EIF3A: variants seen among roughly 807,000 people sequenced by gnomAD.
EIF3A encodes the protein eukaryotic translation initiation factor 3 subunit A, also known as EIF3, p180 subunit.
Under a neutral mutation model 186.6 loss-of-function variants are expected in EIF3A, and 21 were observed. That is an observed-to-expected ratio of 0.11 (90% confidence interval 0.08 to 0.16). EIF3A has a LOEUF of 0.16. Among genes scored for constraint, EIF3A ranks in the 10% least tolerant of loss-of-function variants. The probability of loss-of-function intolerance (pLI) is 1.00; values close to 1 mark genes in which losing one functional copy is unlikely to be tolerated. For missense variants in EIF3A, 1,306 were observed against 1,796.3 expected (o/e 0.73, Z 4.93); for synonymous variants, 563 against 584.3 (o/e 0.96, Z 0.52).
intron 17 of EIF3A, 43 bp from the exon 18 acceptor site, chr10:119,044,185 T>C (rs1848252683): frequency 1.5e-6 from 2 of 1,316,636 alleles, no homozygotes; most frequent in African/African-American, 2.9e-5. Context: ...TTGGTAACCA[T>C]TTACTATTAC....
intron 17 of EIF3A, among the ~76,000 whole-genome samples, chr10:119,044,776 AG>A (rs1459041418): frequency 2.6e-5 from 4 of 152,154 alleles, no homozygotes; most frequent in African/African-American, 4.8e-5. Flanking sequence ...TGAACCCAGA[AG>A]GCAAAACTTG....
At chr10:119,080,433 C>G (rs1844245836) in intron 1 of EIF3A, 195 bp downstream of exon 1, 1 of 985,326 alleles carries the variant, frequency 1.0e-6, no homozygotes, top group Admixed American at 6.1e-5. Context: ...CCGGGCTACG[C>G]GCCTCCCAGA....
intron 21 of EIF3A, 46 bp downstream of exon 21, chr10:119,037,071 CCA>C (rs1554868178): frequency 3.4e-5 from 33 of 973,252 alleles, no homozygotes; most frequent in Non-Finnish European, 3.7e-5. Context: ...CCCCCCCCCC[CCA>C]GAAACGACAG....
At chr10:119,071,949 T>C (rs1844078357) in intron 4 of EIF3A, among the ~76,000 whole-genome samples, 1 of 130,282 alleles carries the variant, frequency 7.7e-6, no homozygotes, top group Non-Finnish European at 1.5e-5. Flanking sequence ...GGCGTGAACC[T>C]GGGAGGCGGA....
intron 5 of EIF3A, among the ~76,000 whole-genome samples, chr10:119,070,535 T>A (rs190192419): frequency 6.8e-6 from 1 of 146,694 alleles, no homozygotes; most frequent in Non-Finnish European, 1.5e-5. Flanking sequence ...CTAAGAAACT[T>A]TGCATATGCT....
In EIF3A at chr10:119,065,504, A is replaced by G. The variant is rs1843958110; in HGVS notation, c.1017T>C (p.Ala339=). 3 of 1,613,446 alleles carry G rather than the reference A, an allele frequency of 1.9e-6. No individual in the cohort carries two copies. ...IPITPERTDI[A]RLLDMDGIIV... The stretch of plus-strand genomic sequence containing the variant: ...TAATGCCATCCATATCCAGAAGTCG[A>G]GCAATATCCGTACGCTCAGGAGTAA... The change falls in exon 7 of 22, where the codon GCT becomes GCC. Residue 339 remains alanine, a synonymous_variant. Transcript: ENST00000369144.
intron 14 of EIF3A, among the ~76,000 whole-genome samples, chr10:119,052,293 C>T (rs1432795050): frequency 3.9e-5 from 6 of 152,014 alleles, no homozygotes; most frequent in Non-Finnish European, 8.8e-5. Context: ...TAAGAAGCAA[C>T]TCCTCACCCA....
At chr10:119,060,177 CCAAATGCAA>C in intron 9 of EIF3A, 1 of 495,762 alleles carries the variant, frequency 2.0e-6, no homozygotes, top group Admixed American at 2.4e-5. Context: ...GCCCTCCTTC[CCAAATGCAA>C]CAAATGGAAA....
At chr10:119,070,536 T>G (rs1325711665) in intron 5 of EIF3A, among the ~76,000 whole-genome samples, 1 of 146,718 alleles carries the variant, frequency 6.8e-6, no homozygotes, top group South Asian at 2.3e-4. Context: ...TAAGAAACTT[T>G]GCATATGCTT....
rs1848279056 is a variant in EIF3A, at chr10:119,045,994, C to CT, written c.2659-1853dup. On this transcript the variant is annotated intron_variant, in intron 17 of 21. Transcript: ENST00000369144. ...AGAAACATTAAAGATATAAAGAGAA[C>CT]TTTAACAGAGCAAGAACAGAGAAAA... is the stretch of plus-strand genomic sequence containing the variant. 2.6e-5 allele frequency among the ~76,000 whole-genome samples: 4 copies of CT among 152,232 alleles called. No individual in the cohort carries two copies. In the South Asian group the frequency reaches 8.3e-4, roughly 32 times the overall value.
chr10:119,044,395 T>TC (rs72509488), intron 17 of EIF3A, among the ~76,000 whole-genome samples: 47,398 of 152,076 alleles, frequency 0.31, 8,465 homozygotes, highest in Non-Finnish European at 0.4. Context: ...AACATACACC[T>TC]CTACAGATTT....
Position 119,065,555 on chromosome 10 carries a change from G to A in EIF3A, c.966C>T (p.Val322=), listed in dbSNP as rs746674061. The change falls in exon 7 of 22, where the codon GTC becomes GTT. Residue 322 remains valine, a synonymous_variant. Coordinates refer to ENST00000369144, the MANE Select transcript of EIF3A (RefSeq NM_003750.4). ...TAGGGATGGAAAGAGTGGCTAAAAG[G>A]ACTCTAGTAGACATTCTATGGAGAA... The part of the protein sequence containing the change: ...QDEMQRMSTR[V]LLATLSIPIT... 1.2e-6 allele frequency: 2 copies of A among 1,605,658 alleles called. No homozygotes were observed. Among genetic ancestry groups the A allele is most frequent in the Admixed American group, 3.4e-5 (2 of 58,172 alleles).
intron 6 of EIF3A, among the ~76,000 whole-genome samples, chr10:119,066,029 TCG>T (rs1274357218): frequency 6.6e-6 from 1 of 151,392 alleles, no homozygotes; most frequent in Non-Finnish European, 1.5e-5. Flanking sequence ...GGCAGGAGAA[TCG>T]CATGAACCCG....
At chr10:119,079,647 C>T (rs1452841496) in intron 1 of EIF3A, among the ~76,000 whole-genome samples, 1 of 152,014 alleles carries the variant, frequency 6.6e-6, no homozygotes, top group Non-Finnish European at 1.5e-5. Flanking sequence ...ACATGTGCAT[C>T]CCCAGAACGC....
At chr10:119,058,609 C>A (rs1428099776) in intron 11 of EIF3A, among the ~76,000 whole-genome samples, 9 of 152,224 alleles carry the variant, frequency 5.9e-5, no homozygotes, top group Non-Finnish European at 1.3e-4. Flanking sequence ...TTGTTACAGG[C>A]AGTGGCTCAT....
At chr10:119,037,711 C>T (rs1848152163) in intron 20 of EIF3A, among the ~76,000 whole-genome samples, 1 of 152,100 alleles carries the variant, frequency 6.6e-6, no homozygotes, top group African/African-American at 2.4e-5. Flanking sequence ...GCAGCGGGAA[C>T]AAGCTAGAAC....
Position 119,045,800 on chromosome 10 carries a change from C to T in EIF3A, c.2659-1658G>A, listed in dbSNP as rs146679206. 2.9e-3 allele frequency among the ~76,000 whole-genome samples: 437 copies of T among 152,234 alleles called. 3 individuals carry two copies. Among genetic ancestry groups the T allele is most frequent in the African/African-American group, 0.01 (425 of 41,544 alleles). On this transcript the variant is annotated intron_variant, in intron 17 of 21. Transcript: ENST00000369144. ...CTGGTCTCAAGCTCCCAGGCTCAAG[C>T]GATCCGCTTGCCTGCCTCGGTCTCC...
intron 14 of EIF3A, among the ~76,000 whole-genome samples, chr10:119,053,443 G>A (rs1354082822): frequency 6.6e-6 from 1 of 151,778 alleles, no homozygotes; most frequent in Non-Finnish European, 1.5e-5. Context: ...TGGGCACCAT[G>A]GCTCACCCCT....
At chr10:119,077,655 T>C (rs940175288) in intron 1 of EIF3A, among the ~76,000 whole-genome samples, 2 of 151,438 alleles carry the variant, frequency 1.3e-5, no homozygotes, top group East Asian at 2.0e-4. Flanking sequence ...CCTGGGTTCA[T>C]GCCATTCTCC....
Sources: gnomAD v4.1 joint callset for allele counts (sites outside exome capture counted in the v4.1 genomes callset) on GRCh38, gnomAD v4.1.1 for gene constraint, MANE v1.5 for transcripts, NCBI Gene and HGNC (gene_info 2026-07-23, HGNC 2026-07-21) for gene names.